Variants in ATF7IP2 observed in about 807,000 individuals in gnomAD.
The protein encoded by ATF7IP2 is activating transcription factor 7-interacting protein 2.
A neutral mutation model predicts 64.2 loss-of-function variants in ATF7IP2; 42 were observed. The ratio of observed to expected loss-of-function variants is 0.65; its 90% CI spans 0.51 to 0.85. The LOEUF (loss-of-function observed/expected upper bound fraction) is 0.85, where lower values mean the gene tolerates loss of function less well. Among genes scored for constraint, ATF7IP2 ranks in the 40% least tolerant of loss-of-function variants. The pLI, the probability that ATF7IP2 is intolerant of heterozygous loss-of-function variation, is 0.00. For missense variants in ATF7IP2, 933 were observed against 784.2 expected, an observed-to-expected ratio of 1.19 and a Z score of -2.27; for synonymous variants, 308 against 272.8, an observed-to-expected ratio of 1.13 and a Z score of -1.27.
intron 9 of ATF7IP2, among the ~76,000 whole-genome samples, chr16:10,466,583 G>GGGT (rs944126133): frequency 5.9e-5 from 9 of 151,744 alleles, no homozygotes; most frequent in African/African-American, 2.2e-4. Context: ...ATCACATTGT[G>GGGT]GTTTTAATTT....
At chr16:10,448,987 C>G (rs2048899841) in intron 8 of ATF7IP2, 1 of 152,136 alleles carries the variant, frequency 6.6e-6, no homozygotes, top group African/African-American at 2.4e-5. Context: ...TATGTTCCAT[C>G]AGTACCTAGT....
In ATF7IP2 at chr16:10,482,096, T is replaced by C. The variant is rs558578447; in HGVS notation, c.1896T>C (p.Ile632=). The C allele has an allele frequency of 7.4e-6, 12 of 1,614,128 alleles. No individual in the cohort carries two copies. In the South Asian group the frequency reaches 1.1e-4, roughly 15 times the overall value. The change falls in exon 14 of 14, where the codon ATT becomes ATC. Residue 632 remains isoleucine, a synonymous_variant. Coordinates refer to ENST00000562102, the MANE Select transcript of ATF7IP2 (RefSeq NM_001393719.1). ...NKLIWKKIGE[I]KALPLPMACT... ...TGATTTGGAAGAAGATTGGAGAAAT[T>C]AAAGCTTTACCACTCCCCATGGCCT...
chr16:10,448,432 CCTCT>C (rs1192740584), intron 8 of ATF7IP2: 1 of 152,164 alleles, frequency 6.6e-6, no homozygotes. Flanking sequence ...TTATTTGTGG[CCTCT>C]CTTATTTCCT....
intron 2 of ATF7IP2, among the ~76,000 whole-genome samples, chr16:10,418,415 A>G (rs1320202198): frequency 6.6e-6 from 1 of 152,180 alleles, no homozygotes; most frequent in Admixed American, 6.5e-5. Flanking sequence ...CCTGTTCCCA[A>G]CATGTCCCCC....
rs755134684 is a variant in ATF7IP2, at chr16:10,457,504, G to C, written c.1327G>C (p.Asp443His). ...KGSKKINLSS[D>H]QNKSVSESNN... ...AAGTAAAAAAATTAATTTGTCATCAGATCAAAATAAGTCTGTTTCTGAAAG... is the reference window on the plus strand; with the variant it reads ...AAGTAAAAAAATTAATTTGTCATCACATCAAAATAAGTCTGTTTCTGAAAG... The change falls in exon 9 of 14, where the codon GAT (aspartate) becomes CAT (histidine). Residue 443 changes from aspartate (D) to histidine (H), a missense_variant. Transcript: ENST00000562102. 1.3e-6 allele frequency: 2 copies of C among 1,589,788 alleles called. No homozygotes were observed. Among genetic ancestry groups the C allele is most frequent in the Non-Finnish European group, 1.7e-6 (2 of 1,171,968 alleles).
intron 1 of ATF7IP2, among the ~76,000 whole-genome samples, chr16:10,404,338 C>T (rs190138488): frequency 2.0e-3 from 306 of 152,244 alleles, no homozygotes; most frequent in African/African-American, 6.7e-3. Context: ...CTGCACCTTC[C>T]GCCTCCCAGG....
Position 10,482,361 on chromosome 16 carries a change from A to G in ATF7IP2, c.*112A>G, listed in dbSNP as rs2050269673. On this transcript the variant is annotated 3_prime_UTR_variant, in exon 14 of 14. Coordinates refer to ENST00000562102, the MANE Select transcript of ATF7IP2 (RefSeq NM_001393719.1). ...CCAGCTCAGATTGTGAGCCCTTTCT[A>G]TTGGGACAGTCCTCTTCTATATGTT... is the stretch of plus-strand genomic sequence containing the variant. 2.6e-6 allele frequency: 2 copies of G among 758,254 alleles called. No individual in the cohort carries two copies. The highest frequency in any genetic ancestry group is 1.9e-5 in the South Asian group (1 of 53,226). The allele number at this position is 758,254 out of a possible 1,614,324, so 47.0% of individuals were successfully genotyped here.
At chr16:10,432,089 G>A (rs2048278638) in intron 5 of ATF7IP2, among the ~76,000 whole-genome samples, 1 of 147,292 alleles carries the variant, frequency 6.8e-6, no homozygotes, top group African/African-American at 2.5e-5. Context: ...CACCCGCCTT[G>A]GCCTCCCAAA....
Position 10,397,657 on chromosome 16 carries a change from G to A in ATF7IP2, c.-242+11535G>A, listed in dbSNP as rs538873462. ...TTTGGGAGGCCAAAGCGGGTGAATC[G>A]TTTGAGCTTAGGAGTTTGAGACCAG... On this transcript the variant is annotated intron_variant, in intron 1 of 13. Transcript: ENST00000562102. Among the ~76,000 whole-genome samples the A allele has an allele frequency of 2.2e-4, 33 of 151,960 alleles. 1 individual carries two copies. In the South Asian group the frequency reaches 2.5e-3, roughly 12 times the overall value.
intron 12 of ATF7IP2, among the ~76,000 whole-genome samples, chr16:10,478,712 C>T (rs943054386): frequency 1.3e-5 from 2 of 152,160 alleles, no homozygotes; most frequent in East Asian, 1.9e-4. Flanking sequence ...TCAGAGTGAA[C>T]AGGCAACCTA....
chr16:10,433,438 G>A, intron 5 of ATF7IP2, 87 bp from the exon 6 acceptor site: 1 of 1,242,422 alleles, frequency 8.0e-7, no homozygotes, highest in Non-Finnish European at 1.1e-6. Flanking sequence ...GCCTCCCAGA[G>A]TGCTGGGATT....
intron 1 of ATF7IP2, among the ~76,000 whole-genome samples, chr16:10,408,092 A>G (rs2047679801): frequency 6.6e-6 from 1 of 151,840 alleles, no homozygotes; most frequent in Non-Finnish European, 1.5e-5. Flanking sequence ...TTGTATTTTT[A>G]GTAGAGGTGG....
chr16:10,429,695 GTTTTA>G lies in ATF7IP2; in HGVS notation c.-11+713_-11+717del, dbSNP rs55705185. Among the ~76,000 whole-genome samples the G allele has an allele frequency of 3.7e-3, 511 of 138,424 alleles. 6 individuals are homozygous for G. The highest frequency in any genetic ancestry group is 0.011 in the African/African-American group (415 of 37,416). The allele number at this position is 138,424 out of a possible 152,430, so 90.8% of individuals were successfully genotyped here. On this transcript the variant is annotated intron_variant, in intron 4 of 13. Transcript: ENST00000562102. ...TGGAATGTTATGTATCTTAGTGCTGGTTTTATTTTATTTTATTTTATTTTATTTTA... is the reference window on the plus strand; with the variant it reads ...TGGAATGTTATGTATCTTAGTGCTGGTTTTATTTTATTTTATTTTATTTTA...
intron 7 of ATF7IP2, 53 bp downstream of exon 7, chr16:10,438,288 C>A (rs1257871047): frequency 2.0e-6 from 3 of 1,535,372 alleles, no homozygotes; most frequent in African/African-American, 2.8e-5. Flanking sequence ...GGTGTTGTTG[C>A]TCTGTTGCTC....
chr16:10,453,354 C>G (rs2049052492), intron 8 of ATF7IP2, among the ~76,000 whole-genome samples: 1 of 152,126 alleles, frequency 6.6e-6, no homozygotes, highest in Non-Finnish European at 1.5e-5. Context: ...ATTCCTTGAC[C>G]CGTTGTGCTT....
At chr16:10,479,755 C>A (rs1200753534) in intron 12 of ATF7IP2, among the ~76,000 whole-genome samples, 1 of 151,864 alleles carries the variant, frequency 6.6e-6, no homozygotes, top group Admixed American at 6.6e-5. Flanking sequence ...CATCACTGAT[C>A]ATCAGAGGAA....
At chr16:10,393,023 C>G (rs915770240) in intron 1 of ATF7IP2, among the ~76,000 whole-genome samples, 1 of 151,222 alleles carries the variant, frequency 6.6e-6, no homozygotes, top group Non-Finnish European at 1.5e-5. Flanking sequence ...AAAATGAAAC[C>G]ATTAGGCCAG....
At position 10,482,947 on chromosome 16, in the gene ATF7IP2, CA is replaced by C. The variant is rs1441439626; in HGVS notation, c.*699del. 1 of 152,238 alleles carries C rather than the reference CA, an allele frequency of 6.6e-6. No homozygotes were observed. The highest frequency in any genetic ancestry group is 1.5e-5 in the Non-Finnish European group (1 of 68,066). 9.4% of individuals were successfully genotyped at this position (152,238 alleles called of 1,614,324 possible). On this transcript the variant is annotated 3_prime_UTR_variant, in exon 14 of 14. Coordinates refer to ENST00000562102, the MANE Select transcript of ATF7IP2 (RefSeq NM_001393719.1). ...CAGGCTGGTCTCAAACTCCTGACCT[CA>C]GGGGATCCACCCGCCTCGGCCTCCC...
intron 1 of ATF7IP2, among the ~76,000 whole-genome samples, chr16:10,410,802 A>G (rs1250994622): frequency 6.6e-6 from 1 of 152,112 alleles, no homozygotes; most frequent in Admixed American, 6.6e-5. Context: ...TTCCTGATTT[A>G]AATGTTTTCA....
Sources: allele counts gnomAD v4.1 joint callset (sites outside exome capture counted in the v4.1 genomes callset), GRCh38; gene constraint gnomAD v4.1.1; transcripts MANE v1.5; gene names NCBI Gene and HGNC (gene_info 2026-07-23, HGNC 2026-07-21).